Variants in KCNE1 observed in about 807,000 individuals in gnomAD.
The protein encoded by KCNE1 is potassium voltage-gated channel subfamily E regulatory subunit 1, also known as potassium voltage-gated channel subfamily E member 1.
In KCNE1, 1 loss-of-function variant was observed where a neutral mutation model predicts 2.9. That is an observed-to-expected ratio of 0.34 (90% confidence interval 0.12 to 1.62). The LOEUF is 1.62. Among genes scored for constraint, KCNE1 ranks in the 40% most tolerant of loss-of-function variants. The probability of loss-of-function intolerance (pLI) is 0.36; values close to 1 mark genes in which losing one functional copy is unlikely to be tolerated. For synonymous variants in KCNE1, 23 were observed against 65.4 expected, an observed-to-expected ratio of 0.35 and a Z score of 3.13; for missense variants, 45 against 150.5, an observed-to-expected ratio of 0.30 and a Z score of 3.67.
intron 2 of KCNE1, among the ~76,000 whole-genome samples, chr21:34,505,057 G>A (rs74377027): frequency 0.018 from 2,757 of 152,262 alleles, 85 homozygotes; most frequent in African/African-American, 0.063. Context: ...TGGGCGAATT[G>A]TATACATGCA....
chr21:34,499,228 G>T (rs1454662560), intron 2 of KCNE1, among the ~76,000 whole-genome samples: 4 of 152,172 alleles, frequency 2.6e-5, no homozygotes, highest in Non-Finnish European at 5.9e-5. Flanking sequence ...GGCCGATCTT[G>T]CTCCTTCTGT....
Position 34,501,737 on chromosome 21 carries a change from C to T in KCNE1, c.-162+9364G>A, listed in dbSNP as rs565533603. Among the ~76,000 whole-genome samples, 18 of 152,268 alleles carry T rather than the reference C, an allele frequency of 1.2e-4. No individual in the cohort carries two copies. In the South Asian group the frequency reaches 1.9e-3, roughly 16 times the overall value. Reference sequence around the variant, plus strand: ...TCTAAGTACATGGGCCCCAGGCCAGCGCCCAGAAACAAGCCCAGACACAAG... The same window carrying T: ...TCTAAGTACATGGGCCCCAGGCCAGTGCCCAGAAACAAGCCCAGACACAAG... On this transcript the variant is annotated intron_variant, in intron 2 of 3. Transcript: ENST00000399286.
chr21:34,504,819 T>C (rs1983386327), intron 2 of KCNE1, among the ~76,000 whole-genome samples: 1 of 152,194 alleles, frequency 6.6e-6, no homozygotes, highest in Admixed American at 6.5e-5. Context: ...TGTTATGTGA[T>C]TCATTCATAT....
chr21:34,498,250 T>C (rs1198685830), intron 2 of KCNE1, among the ~76,000 whole-genome samples: 3 of 152,250 alleles, frequency 2.0e-5, no homozygotes, highest in Admixed American at 6.5e-5. Flanking sequence ...AGGGGTGTTA[T>C]AGAACCTTGT....
intron 1 of KCNE1, 72 bp from the exon 2 acceptor site, chr21:34,511,387 G>A (rs1983832484): frequency 2.7e-6 from 2 of 749,700 alleles, no homozygotes; most frequent in African/African-American, 3.8e-5. Context: ...GACCTAATGG[G>A]AGGTGTTTAG....
At chr21:34,511,756 C>G (rs1983846862) in intron 1 of KCNE1, among the ~76,000 whole-genome samples, 1 of 152,216 alleles carries the variant, frequency 6.6e-6, no homozygotes, top group Admixed American at 6.5e-5. Context: ...CCCTGCCCTG[C>G]ACACAGGACC....
intron 2 of KCNE1, among the ~76,000 whole-genome samples, chr21:34,508,592 C>T (rs1385889359): frequency 9.9e-5 from 15 of 152,212 alleles, no homozygotes; most frequent in Non-Finnish European, 1.5e-4. Context: ...ATCCACCCTC[C>T]TCGGCCTCCC....
chr21:34,511,664 G>A (rs1022173807), intron 1 of KCNE1, among the ~76,000 whole-genome samples: 4 of 152,248 alleles, frequency 2.6e-5, no homozygotes, highest in Non-Finnish European at 5.9e-5. Flanking sequence ...TGCCAAGACA[G>A]CCAGCTTATA....
intron 2 of KCNE1, among the ~76,000 whole-genome samples, chr21:34,499,765 A>C (rs562022837): frequency 2.0e-5 from 3 of 152,304 alleles, no homozygotes; most frequent in Admixed American, 2.0e-4. Context: ...GGGAATGCAC[A>C]GTTTTTTGCC....
intron 2 of KCNE1, among the ~76,000 whole-genome samples, chr21:34,508,275 G>A (rs1202341710): frequency 2.0e-5 from 3 of 150,482 alleles, no homozygotes; most frequent in Non-Finnish European, 2.9e-5. Context: ...CAATCTGCCC[G>A]CCTCGGCTTT....
At chr21:34,498,925 T>C (rs1239199737) in intron 2 of KCNE1, among the ~76,000 whole-genome samples, 1 of 152,100 alleles carries the variant, frequency 6.6e-6, no homozygotes, top group Non-Finnish European at 1.5e-5. Context: ...AGTATTTGGG[T>C]TTCTCAGGTG....
chr21:34,497,235 T>C (rs1167890968), intron 2 of KCNE1, among the ~76,000 whole-genome samples: 1 of 152,194 alleles, frequency 6.6e-6, no homozygotes, highest in Non-Finnish European at 1.5e-5. Flanking sequence ...TTTCTGTTGT[T>C]GTTGTTGTTT....
rs1983828809 is a variant in KCNE1 at position 34,511,272 on chromosome 21, A to G, written c.-333T>C. 2.0e-6 allele frequency: 2 copies of G among 985,338 alleles called. No individual in the cohort carries two copies. Among genetic ancestry groups the G allele is most frequent in the Admixed American group, 6.2e-5 (1 of 16,254 alleles). The allele number at this position is 985,338 out of a possible 1,614,324, so 61.0% of individuals were successfully genotyped here. A position where few individuals can be genotyped will look rare whatever the true frequency, so the allele number is the denominator to read the frequency against. Reference sequence around the variant, plus strand: ...GTTGAGCTCCAGGCCATGCCATTCAACGCCCTCCAGGACAGGCCGAAGGGC... The same window carrying G: ...GTTGAGCTCCAGGCCATGCCATTCAGCGCCCTCCAGGACAGGCCGAAGGGC... On this transcript the variant is annotated 5_prime_UTR_variant, in exon 2 of 4. Transcript: ENST00000399286.
intron 2 of KCNE1, among the ~76,000 whole-genome samples, chr21:34,505,623 G>A (rs142228146): frequency 3.7e-4 from 56 of 152,286 alleles, no homozygotes; most frequent in African/African-American, 1.2e-3. Flanking sequence ...TTAGAGACCT[G>A]AGCAGGCCCA....
chr21:34,495,793 G>C (rs1399295978), intron 2 of KCNE1, among the ~76,000 whole-genome samples: 1 of 151,904 alleles, frequency 6.6e-6, no homozygotes, highest in African/African-American at 2.4e-5. Context: ...TCTCGCTAAT[G>C]GTCTATCAAT....
At chr21:34,501,837 C>T (rs897599097) in intron 2 of KCNE1, among the ~76,000 whole-genome samples, 1 of 152,222 alleles carries the variant, frequency 6.6e-6, no homozygotes, top group Non-Finnish European at 1.5e-5. Context: ...AGGACTTCTG[C>T]AGGTTAAAGA....
At chr21:34,503,461 A>T (rs530869200) in intron 2 of KCNE1, among the ~76,000 whole-genome samples, 3 of 152,162 alleles carry the variant, frequency 2.0e-5, no homozygotes, top group Non-Finnish European at 4.4e-5. Flanking sequence ...GCTTCATTAT[A>T]TAGGCATGAC....
chr21:34,507,468 A>T (rs1353681168), intron 2 of KCNE1, among the ~76,000 whole-genome samples: 1 of 152,218 alleles, frequency 6.6e-6, no homozygotes, highest in African/African-American at 2.4e-5. Flanking sequence ...ACAAGGGGCT[A>T]GGTCCCGTAA....
chr21:34,499,622 T>C (rs1201126364), intron 2 of KCNE1, among the ~76,000 whole-genome samples: 1 of 152,236 alleles, frequency 6.6e-6, no homozygotes, highest in Non-Finnish European at 1.5e-5. Context: ...CTGCTTCTAC[T>C]TTTATAGAAA....
Sources: allele counts gnomAD v4.1 joint callset (sites outside exome capture counted in the v4.1 genomes callset), GRCh38; gene constraint gnomAD v4.1.1; transcripts MANE v1.5; gene names NCBI Gene and HGNC (gene_info 2026-07-23, HGNC 2026-07-21).